HMCN1: variants seen among roughly 807,000 people sequenced by gnomAD.
The protein encoded by HMCN1 is hemicentin 1.
A neutral mutation model predicts 625.9 loss-of-function variants in HMCN1; 321 were observed. The observed-to-expected ratio is 0.51, with a 90% CI of 0.47 to 0.56. HMCN1 has a LOEUF of 0.56. HMCN1 is among the 20% of genes least tolerant of loss of function. HMCN1 has a pLI of 0.00. For synonymous variants in HMCN1, 2,425 were observed against 2,417.6 expected (o/e 1.00, Z -0.09); for missense variants, 6,588 against 6,887.3 (o/e 0.96, Z 1.54).
At chr1:186,003,548 T>C (rs2102074667) in intron 28 of HMCN1, among the ~76,000 whole-genome samples, 170 bp from the exon 29 acceptor site, 1 of 152,286 alleles carries the variant, frequency 6.6e-6, no homozygotes, top group Non-Finnish European at 1.5e-5. Context: ...ACATTTAAAT[T>C]TAACATTTGG....
chr1:185,765,107 C>G (rs1483986217), intron 1 of HMCN1, among the ~76,000 whole-genome samples: 1 of 152,058 alleles, frequency 6.6e-6, no homozygotes, highest in East Asian at 1.9e-4. Context: ...ACAATCTGGA[C>G]TAATCAGATT....
intron 1 of HMCN1, among the ~76,000 whole-genome samples, chr1:185,786,143 AT>A (rs1355799525): frequency 2.6e-5 from 4 of 152,208 alleles, no homozygotes; most frequent in Non-Finnish European, 5.9e-5. Context: ...ATGCATTGTG[AT>A]TTTATAACAT....
chr1:186,049,381 T>C (rs1374453693), intron 42 of HMCN1, among the ~76,000 whole-genome samples: 1 of 152,038 alleles, frequency 6.6e-6, no homozygotes, highest in Non-Finnish European at 1.5e-5. Context: ...AGCATTCCCA[T>C]TTCCAGTATA....
intron 1 of HMCN1, among the ~76,000 whole-genome samples, chr1:185,797,953 G>A (rs1201057110): frequency 2.3e-5 from 2 of 85,534 alleles, no homozygotes; most frequent in East Asian, 3.4e-4. Context: ...GCGACAGAGC[G>A]AGACTCCGTC....
intron 6 of HMCN1, among the ~76,000 whole-genome samples, chr1:185,914,452 G>A (rs1202502284): frequency 2.0e-5 from 3 of 152,034 alleles, no homozygotes; most frequent in Admixed American, 1.3e-4. Flanking sequence ...TATGGAGAAC[G>A]ATCTATCTAT....
chr1:185,753,271 T>TA (rs1283434809), intron 1 of HMCN1, among the ~76,000 whole-genome samples: 1 of 152,074 alleles, frequency 6.6e-6, no homozygotes, highest in African/African-American at 2.4e-5. Flanking sequence ...GCAATGAAGA[T>TA]AAAAAATAGC....
rs544450606 is a variant in HMCN1 at position 185,950,245 on chromosome 1, C to T, written c.1829-12273C>T. On this transcript the variant is annotated intron_variant, in intron 11 of 106. Transcript: ENST00000271588. ...AAAGAGTGAGTACAGCTGAAGGAGC[C>T]GGGAAGCAGAAAGTATATGCGTCAG... 2.7e-3 allele frequency among the ~76,000 whole-genome samples: 402 copies of T among 150,752 alleles called. 3 individuals are homozygous for T. The highest frequency in any genetic ancestry group is 4.0e-3 in the Non-Finnish European group (274 of 67,890).
intron 40 of HMCN1, among the ~76,000 whole-genome samples, chr1:186,041,401 T>C (rs1404478718): frequency 6.6e-6 from 1 of 152,134 alleles, no homozygotes; most frequent in Admixed American, 6.6e-5. Flanking sequence ...CATGACTGGA[T>C]AGCAGCTCTG....
rs58164381 is a variant in HMCN1 at position 185,924,215 on chromosome 1, CTTTTTTTTTTTTTTTT to C, written c.1285+580_1285+595del. 3.9e-4 allele frequency among the ~76,000 whole-genome samples: 17 copies of C among 43,650 alleles called. No homozygotes were observed. In the East Asian group the frequency reaches 5.3e-3, roughly 14 times the overall value. The allele number at this position is 43,650 out of a possible 152,430, so 28.6% of individuals were successfully genotyped here. A position where few individuals can be genotyped will look rare whatever the true frequency, so the allele number is the denominator to read the frequency against. On this transcript the variant is annotated intron_variant, in intron 8 of 106. Transcript: ENST00000271588. ...GCTCATGACTGAACTCTGACCCAAT[CTTTTTTTTTTTTTTTT>C]TTTTTTTTTTTTTTTTTGAGACGGA...
At chr1:185,859,966 C>A (rs1662760995) in intron 2 of HMCN1, among the ~76,000 whole-genome samples, 1 of 152,032 alleles carries the variant, frequency 6.6e-6, no homozygotes, top group East Asian at 1.9e-4. Flanking sequence ...CCACTGCACC[C>A]AGCCTCATAG....
intron 36 of HMCN1, among the ~76,000 whole-genome samples, chr1:186,024,442 C>A (rs556132289): frequency 1.3e-3 from 200 of 152,226 alleles, no homozygotes; most frequent in African/African-American, 4.7e-3. Context: ...TTCTCTTCTC[C>A]TTCTGCAAGC....
In HMCN1 at chr1:186,119,237, C is replaced by T. The variant is rs780038431; in HGVS notation, c.11895C>T (p.Tyr3965=). 12 of 1,613,920 alleles carry T rather than the reference C, an allele frequency of 7.4e-6. No individual in the cohort carries two copies. Among genetic ancestry groups the T allele is most frequent in the Non-Finnish European group, 8.5e-6 (10 of 1,179,888 alleles). ...LATQLNHAGR[Y]TCVARNAAGS... Reference sequence around the variant, plus strand: ...CCCAATTAAACCATGCTGGAAGATACACTTGTGTCGCTAGGAATGCGGCTG... The same window carrying T: ...CCCAATTAAACCATGCTGGAAGATATACTTGTGTCGCTAGGAATGCGGCTG... Residue 3965 remains tyrosine, a synonymous_variant, in exon 78 of 107, where the codon TAC becomes TAT. Coordinates refer to ENST00000271588, the MANE Select transcript of HMCN1 (RefSeq NM_031935.3).
At chr1:185,919,130 A>T (rs533382240) in intron 6 of HMCN1, among the ~76,000 whole-genome samples, 1 of 151,482 alleles carries the variant, frequency 6.6e-6, no homozygotes, top group Non-Finnish European at 1.5e-5. Context: ...AAAATGGCTA[A>T]CATAATTTGG....
chr1:185,894,717 AT>A (rs879468245), intron 4 of HMCN1, among the ~76,000 whole-genome samples: 1 of 151,654 alleles, frequency 6.6e-6, no homozygotes, highest in Non-Finnish European at 1.5e-5. Context: ...TATTTTATTT[AT>A]TTTTTTTGTA....
intron 11 of HMCN1, among the ~76,000 whole-genome samples, chr1:185,948,627 T>C (rs1668471681): frequency 6.6e-6 from 1 of 151,810 alleles, no homozygotes. Flanking sequence ...GGGCAGGGCA[T>C]ATTCACTTCT....
chr1:186,110,977 C>CTTGTTTTTTTTTTTTTTTTTT (rs1660847856), intron 71 of HMCN1, among the ~76,000 whole-genome samples: 1 of 61,648 alleles, frequency 1.6e-5, no homozygotes, highest in Non-Finnish European at 2.7e-5. Flanking sequence ...AGAGAAAATT[C>CTTGTTTTTTTTTTTTTTTTTT]TTTTTTTTTT....
At chr1:186,049,626 C>T (rs1203941492) in intron 42 of HMCN1, among the ~76,000 whole-genome samples, 4 of 152,050 alleles carry the variant, frequency 2.6e-5, no homozygotes, top group Non-Finnish European at 5.9e-5. Flanking sequence ...CTTTAAAAAA[C>T]TTATAACTTA....
intron 11 of HMCN1, among the ~76,000 whole-genome samples, chr1:185,946,279 C>G (rs891315637): frequency 7.8e-6 from 1 of 128,142 alleles, no homozygotes; most frequent in African/African-American, 2.9e-5. Flanking sequence ...GATCCACTTT[C>G]ATATGATTTT....
chr1:185,978,024 T>TTC, intron 16 of HMCN1, 43 bp downstream of exon 16: 5 of 1,373,876 alleles, frequency 3.6e-6, no homozygotes, highest in South Asian at 1.2e-5. Flanking sequence ...TGTACTTTTA[T>TTC]GTTATATATT....
Sources: gnomAD v4.1 joint callset for allele counts (sites outside exome capture counted in the v4.1 genomes callset) on GRCh38, gnomAD v4.1.1 for gene constraint, MANE v1.5 for transcripts, NCBI Gene and HGNC (gene_info 2026-07-23, HGNC 2026-07-21) for gene names.